PPFIA2: variants seen among roughly 807,000 people sequenced by gnomAD.
PPFIA2 encodes the protein liprin-alpha-2.
Under a neutral mutation model 175.5 loss-of-function variants are expected in PPFIA2, and 46 were observed. The observed-to-expected ratio is 0.26, with a 90% CI of 0.21 to 0.34. The LOEUF is 0.34. PPFIA2 is among the 10% of genes least tolerant of loss of function. PPFIA2 has a pLI of 1.00. For missense variants in PPFIA2, 1,179 were observed against 1,506.1 expected (o/e 0.78, Z 3.60); for synonymous variants, 568 against 511.4 (o/e 1.11, Z -1.49).
intron 5 of PPFIA2, among the ~76,000 whole-genome samples, chr12:81,446,710 T>C (rs2051340960): frequency 6.6e-6 from 1 of 152,038 alleles, no homozygotes; most frequent in African/African-American, 2.4e-5. Context: ...AACAAAAGAT[T>C]TAAAAACAGA....
At chr12:81,540,421 C>T (rs1048620329) in intron 4 of PPFIA2, among the ~76,000 whole-genome samples, 7 of 152,072 alleles carry the variant, frequency 4.6e-5, no homozygotes, top group African/African-American at 1.7e-4. Flanking sequence ...TAAATATTCC[C>T]TGTAAACTTA....
At chr12:81,267,052 G>T in intron 29 of PPFIA2, 32 bp from the exon 30 acceptor site, 1 of 1,465,998 alleles carries the variant, frequency 6.8e-7, no homozygotes, top group Non-Finnish European at 9.5e-7. Flanking sequence ...TACCATCACC[G>T]AAATCACATT....
intron 7 of PPFIA2, among the ~76,000 whole-genome samples, chr12:81,409,141 C>A (rs2043441629): frequency 6.6e-6 from 1 of 152,122 alleles, no homozygotes; most frequent in Admixed American, 6.6e-5. Flanking sequence ...GGCTAGGGAA[C>A]CAGCTTGGGA....
intron 3 of PPFIA2, among the ~76,000 whole-genome samples, chr12:81,696,654 C>T (rs889459143): frequency 4.6e-5 from 7 of 151,952 alleles, no homozygotes; most frequent in Admixed American, 1.3e-4. Context: ...ATGGCCTCAG[C>T]GAAACTTTTT....
intron 21 of PPFIA2, among the ~76,000 whole-genome samples, chr12:81,329,451 A>C (rs2055614964): frequency 6.6e-6 from 1 of 152,102 alleles, no homozygotes; most frequent in African/African-American, 2.4e-5. Flanking sequence ...GACCACTCCT[A>C]AGGTGTGACA....
chr12:81,428,298 A>G (rs1469769052), intron 7 of PPFIA2, among the ~76,000 whole-genome samples: 1 of 151,998 alleles, frequency 6.6e-6, no homozygotes, highest in Non-Finnish European at 1.5e-5. Flanking sequence ...AAAGATTTGC[A>G]AACAAACTTC....
chr12:81,608,610 C>A (rs1464565468), intron 4 of PPFIA2, among the ~76,000 whole-genome samples: 1 of 151,640 alleles, frequency 6.6e-6, no homozygotes, highest in Admixed American at 6.6e-5. Context: ...TCCGAGAATC[C>A]TTTGTGTTTC....
chr12:81,649,724 AT>A (rs2066719799), intron 4 of PPFIA2, among the ~76,000 whole-genome samples: 1 of 152,204 alleles, frequency 6.6e-6, no homozygotes, highest in Non-Finnish European at 1.5e-5. Context: ...AAGAGGAACT[AT>A]TTTACACTAC....
chr12:81,411,432 C>T (rs1362402357), intron 7 of PPFIA2, among the ~76,000 whole-genome samples: 1 of 152,038 alleles, frequency 6.6e-6, no homozygotes, highest in African/African-American at 2.4e-5. Context: ...CACTCTCAAA[C>T]ACGTTATATT....
rs142146484 is a variant in PPFIA2 at position 81,555,772 on chromosome 12, A to C, written c.304-97906T>G. Among the ~76,000 whole-genome samples the C allele has an allele frequency of 9.9e-5, 15 of 152,100 alleles. No individual in the cohort carries two copies. In the East Asian group the frequency reaches 2.9e-3, roughly 29 times the overall value. On this transcript the variant is annotated intron_variant, in intron 4 of 32. Transcript: ENST00000549396. ...TTTAATGCAATGAAGAGAAGAAAAC[A>C]TACAGAATCCCACAACTCATGTCTG...
chr12:81,680,684 C>T (rs2073452474), intron 3 of PPFIA2, among the ~76,000 whole-genome samples: 1 of 151,890 alleles, frequency 6.6e-6, no homozygotes, highest in Non-Finnish European at 1.5e-5. Context: ...CCTCACACCT[C>T]CCTACACCAG....
chr12:81,617,136 A>C (rs2061488871), intron 4 of PPFIA2, among the ~76,000 whole-genome samples: 1 of 152,202 alleles, frequency 6.6e-6, no homozygotes, highest in East Asian at 1.9e-4. Context: ...ATTAAAGGAA[A>C]TAATGTATGT....
intron 2 of PPFIA2, among the ~76,000 whole-genome samples, chr12:81,754,615 C>G (rs917570364): frequency 6.6e-6 from 1 of 152,128 alleles, no homozygotes; most frequent in Non-Finnish European, 1.5e-5. Flanking sequence ...TTATGTTACC[C>G]TTATTTGTTA....
intron 4 of PPFIA2, among the ~76,000 whole-genome samples, chr12:81,643,254 C>A (rs2153520830): frequency 1.3e-5 from 2 of 151,712 alleles, no homozygotes; most frequent in East Asian, 3.9e-4. Flanking sequence ...TGTCACATAT[C>A]TCTCTGAAGG....
intron 4 of PPFIA2, among the ~76,000 whole-genome samples, chr12:81,521,111 T>C (rs745936926): frequency 1.3e-5 from 2 of 151,974 alleles, no homozygotes; most frequent in Non-Finnish European, 2.9e-5. Context: ...GTCCTAAATA[T>C]TCACAAAAGA....
At chr12:81,664,639 G>A (rs1369143427) in intron 4 of PPFIA2, among the ~76,000 whole-genome samples, 4 of 152,060 alleles carry the variant, frequency 2.6e-5, no homozygotes, top group Non-Finnish European at 4.4e-5. Context: ...CGATTCCTCA[G>A]GGATCTAGAA....
chr12:81,395,141 C>A (rs1394469270), intron 8 of PPFIA2, among the ~76,000 whole-genome samples: 1 of 151,786 alleles, frequency 6.6e-6, no homozygotes, highest in African/African-American at 2.4e-5. Flanking sequence ...TGCTGTAATC[C>A]ATATCAATAT....
chr12:81,301,517 C>T (rs775961433), intron 22 of PPFIA2, among the ~76,000 whole-genome samples: 13 of 152,090 alleles, frequency 8.5e-5, no homozygotes, highest in Non-Finnish European at 1.5e-4. Context: ...TAATAAAAAT[C>T]CCACTAGAAA....
chr12:81,549,962 C>CA (rs770808271), intron 4 of PPFIA2, among the ~76,000 whole-genome samples: 1 of 151,766 alleles, frequency 6.6e-6, no homozygotes, highest in Non-Finnish European at 1.5e-5. Flanking sequence ...AAAACAAAAA[C>CA]AAAAAACTAA....
Sources: gnomAD v4.1 joint callset for allele counts (sites outside exome capture counted in the v4.1 genomes callset) on GRCh38, gnomAD v4.1.1 for gene constraint, MANE v1.5 for transcripts, NCBI Gene and HGNC (gene_info 2026-07-23, HGNC 2026-07-21) for gene names.